The following ST7 variants were observed in gnomAD, a reference collection of about 807,000 sequenced individuals.
ST7 encodes suppressor of tumorigenicity 7 protein.
Under a neutral mutation model 78.7 loss-of-function variants are expected in ST7, and 28 were observed. The ratio of observed to expected loss-of-function variants is 0.36; its 90% confidence interval spans 0.26 to 0.49. The LOEUF is 0.49. Ranked by LOEUF, ST7 falls within the 20% of genes least tolerant of loss-of-function variation. The pLI is 0.99. For synonymous variants in ST7, 247 were observed against 249.6 expected, an observed-to-expected ratio of 0.99 and a Z score of 0.10; for missense variants, 418 against 696.0, an observed-to-expected ratio of 0.60 and a Z score of 4.49.
At chr7:117,046,046 A>G (rs904812165) in intron 1 of ST7, among the ~76,000 whole-genome samples, 2 of 152,214 alleles carry the variant, frequency 1.3e-5, no homozygotes, top group African/African-American at 4.8e-5. Flanking sequence ...GGAATATGTT[A>G]TCTATGTTTT....
intron 1 of ST7, among the ~76,000 whole-genome samples, chr7:117,068,137 A>T (rs990856715): frequency 2.6e-5 from 4 of 152,208 alleles, no homozygotes; most frequent in African/African-American, 9.6e-5. Flanking sequence ...ATGTTATTGT[A>T]GGGTTCACAG....
At chr7:117,090,195 C>G (rs561672426) in intron 1 of ST7, among the ~76,000 whole-genome samples, 1 of 151,824 alleles carries the variant, frequency 6.6e-6, no homozygotes, top group South Asian at 2.1e-4. Context: ...TTGAGTCTTC[C>G]TAATATGGAC....
intron 1 of ST7, chr7:117,020,533 T>C (rs2116022744): frequency 3.1e-5 from 48 of 1,532,484 alleles, no homozygotes; most frequent in Non-Finnish European, 3.9e-5. Context: ...ACATGTACAC[T>C]CTCCTCGCTT....
At chr7:117,099,404 C>T (rs1801397672) in intron 1 of ST7, among the ~76,000 whole-genome samples, 1 of 152,152 alleles carries the variant, frequency 6.6e-6, no homozygotes, top group Non-Finnish European at 1.5e-5. Context: ...GCAGGTCCCA[C>T]AAAATGTGTA....
chr7:116,974,458 AT>A (rs970237233), intron 1 of ST7, among the ~76,000 whole-genome samples: 50 of 151,766 alleles, frequency 3.3e-4, no homozygotes, highest in African/African-American at 1.2e-3. Flanking sequence ...CGCCCAGCTA[AT>A]TTTTTGTATT....
intron 1 of ST7, among the ~76,000 whole-genome samples, chr7:116,964,816 C>G (rs1267508921): frequency 6.6e-6 from 1 of 152,152 alleles, no homozygotes; most frequent in Non-Finnish European, 1.5e-5. Flanking sequence ...TTTCCCCAAA[C>G]TGGAAGTTGT....
At chr7:117,074,369 C>T (rs1438555406) in intron 1 of ST7, among the ~76,000 whole-genome samples, 1 of 152,132 alleles carries the variant, frequency 6.6e-6, no homozygotes, top group Non-Finnish European at 1.5e-5. Context: ...CCAACATGGG[C>T]AATAGAGTGA....
At chr7:117,055,019 A>G (rs2116397787) in intron 1 of ST7, among the ~76,000 whole-genome samples, 1 of 152,278 alleles carries the variant, frequency 6.6e-6, no homozygotes, top group South Asian at 2.1e-4. Context: ...ATGGCCTTGG[A>G]CAATTTAATT....
intron 10 of ST7, among the ~76,000 whole-genome samples, chr7:117,174,436 G>C (rs934808604): frequency 6.6e-6 from 1 of 152,110 alleles, no homozygotes; most frequent in African/African-American, 2.4e-5. Context: ...ACAAAAAGAA[G>C]GTAATTGCTC....
At chr7:117,222,217 C>T (rs1793144453) in intron 15 of ST7, among the ~76,000 whole-genome samples, 155 bp downstream of exon 15, 1 of 152,168 alleles carries the variant, frequency 6.6e-6, no homozygotes, top group African/African-American at 2.4e-5. Flanking sequence ...TCAATGGAAT[C>T]AAAGCATTAA....
intron 1 of ST7, among the ~76,000 whole-genome samples, chr7:116,987,492 G>A (rs1794237132): frequency 6.6e-6 from 1 of 152,178 alleles, no homozygotes; most frequent in Non-Finnish European, 1.5e-5. Flanking sequence ...ATTGGCCTCT[G>A]ATTTGGTTCC....
intron 1 of ST7, among the ~76,000 whole-genome samples, chr7:116,997,300 C>G (rs1794709979): frequency 6.6e-6 from 1 of 152,140 alleles, no homozygotes; most frequent in African/African-American, 2.4e-5. Flanking sequence ...GCTCGGGCAG[C>G]CTACTTTTAT....
intron 1 of ST7, among the ~76,000 whole-genome samples, chr7:116,987,798 A>G (rs950249049): frequency 6.6e-6 from 1 of 152,138 alleles, no homozygotes; most frequent in Non-Finnish European, 1.5e-5. Flanking sequence ...ATCTCGGCTC[A>G]CTGCAACCTT....
At chr7:117,170,377 T>C (rs933867551) in intron 9 of ST7, among the ~76,000 whole-genome samples, 3 of 152,248 alleles carry the variant, frequency 2.0e-5, no homozygotes, top group Non-Finnish European at 4.4e-5. Flanking sequence ...TGAATTATAC[T>C]TTTATATAAA....
chr7:117,178,825 C>G (rs1808529953), intron 10 of ST7, among the ~76,000 whole-genome samples: 1 of 152,168 alleles, frequency 6.6e-6, no homozygotes, highest in Admixed American at 6.5e-5. Flanking sequence ...TAATTACAGA[C>G]ATTTCTTCCA....
chr7:117,098,801 C>T, intron 1 of ST7: 3 of 1,301,716 alleles, frequency 2.3e-6, no homozygotes, highest in Non-Finnish European at 3.0e-6. Flanking sequence ...TGTGAATACT[C>T]CCACAAAAAG....
intron 1 of ST7, chr7:116,972,757 A>G: frequency 1.1e-6 from 1 of 929,554 alleles, no homozygotes; most frequent in Non-Finnish European, 1.8e-6. Flanking sequence ...CCTACGGTTC[A>G]AGGAGGCCAC....
chr7:117,223,099 C>T (rs1793215970), intron 15 of ST7: 8 of 702,586 alleles, frequency 1.1e-5, no homozygotes, highest in Non-Finnish European at 1.8e-5. Flanking sequence ...TCTTCCCTCT[C>T]TCACTCCCCA....
intron 12 of ST7, among the ~76,000 whole-genome samples, chr7:117,201,647 C>T (rs1037897483): frequency 6.6e-6 from 1 of 151,960 alleles, no homozygotes; most frequent in African/African-American, 2.4e-5. Flanking sequence ...CAGCCTCGAC[C>T]TCCCAAGCTC....
Sources: gnomAD v4.1 joint callset for allele counts (sites outside exome capture counted in the v4.1 genomes callset) on GRCh38, gnomAD v4.1.1 for gene constraint, MANE v1.5 for transcripts, NCBI Gene and HGNC (gene_info 2026-07-23, HGNC 2026-07-21) for gene names.